Variants in RBFOX1 observed in about 807,000 individuals in gnomAD.
The protein encoded by RBFOX1 is RNA binding protein fox-1 homolog 1.
RBFOX1 carries 8 observed loss-of-function variants against 57.7 expected under a neutral mutation model. The ratio of observed to expected loss-of-function variants is 0.14; its 90% CI spans 0.08 to 0.25. The LOEUF is 0.25. Ranked by LOEUF, RBFOX1 falls within the 10% of genes least tolerant of loss-of-function variation. The pLI, the probability that RBFOX1 is intolerant of heterozygous loss-of-function variation, is 1.00. For synonymous variants in RBFOX1, 326 were observed against 222.4 expected, an observed-to-expected ratio of 1.47 and a Z score of -4.15; for missense variants, 611 against 548.5, an observed-to-expected ratio of 1.11 and a Z score of -1.14.
intron 4 of RBFOX1, among the ~76,000 whole-genome samples, chr16:7,118,767 G>A (rs967565610): frequency 6.6e-6 from 1 of 151,990 alleles, no homozygotes; most frequent in Non-Finnish European, 1.5e-5. Flanking sequence ...ACAAGAATTT[G>A]GTAAAATTGT....
intron 3 of RBFOX1, among the ~76,000 whole-genome samples, chr16:6,950,982 T>A (rs757873095): frequency 6.6e-6 from 1 of 152,050 alleles, no homozygotes; most frequent in Non-Finnish European, 1.5e-5. Context: ...CACAGCTCAT[T>A]GCAGCCTCAA....
intron 1 of RBFOX1, among the ~76,000 whole-genome samples, chr16:5,329,192 C>G (rs945352264): frequency 1.3e-5 from 2 of 152,142 alleles, no homozygotes; most frequent in Non-Finnish European, 2.9e-5. Context: ...TGTTCTTGCA[C>G]TGCTTTAAAG....
At chr16:5,351,211 C>T (rs1168262160) in intron 1 of RBFOX1, among the ~76,000 whole-genome samples, 2 of 152,158 alleles carry the variant, frequency 1.3e-5, no homozygotes, top group African/African-American at 4.8e-5. Context: ...CGACTATGTG[C>T]CAGACACTGC....
intron 3 of RBFOX1, among the ~76,000 whole-genome samples, chr16:5,671,122 C>G (rs1044277763): frequency 6.6e-6 from 1 of 152,252 alleles, no homozygotes; most frequent in African/African-American, 2.4e-5. Flanking sequence ...ATTAGACCAT[C>G]TTGCTCTCTT....
In RBFOX1 at chr16:5,652,234, A is replaced by G. The variant is rs1258697735; in HGVS notation, c.318+53273A>G. On this transcript the variant is annotated intron_variant, in intron 3 of 19. Transcript: ENST00000641259. Reference sequence around the variant, plus strand: ...GTCTTTAGATACCACTTAGCACTTTATATATTTGATTTTATTTACTTTTTA... The same window carrying G: ...GTCTTTAGATACCACTTAGCACTTTGTATATTTGATTTTATTTACTTTTTA... 3.9e-5 allele frequency among the ~76,000 whole-genome samples: 6 copies of G among 152,324 alleles called. No individual in the cohort carries two copies. In the East Asian group the frequency reaches 1.2e-3, roughly 29 times the overall value.
intron 4 of RBFOX1, among the ~76,000 whole-genome samples, chr16:7,457,698 G>A (rs2058791736): frequency 6.6e-6 from 1 of 152,014 alleles, no homozygotes; most frequent in Non-Finnish European, 1.5e-5. Flanking sequence ...CATATTTTCA[G>A]CCTAAGAGGG....
chr16:6,914,504 C>G (rs578178143), intron 3 of RBFOX1, among the ~76,000 whole-genome samples: 1 of 151,968 alleles, frequency 6.6e-6, no homozygotes, highest in African/African-American at 2.4e-5. Flanking sequence ...ACCTGAGCCA[C>G]CTTTGATAAG....
intron 3 of RBFOX1, among the ~76,000 whole-genome samples, chr16:5,666,147 C>T (rs1285863994): frequency 6.6e-6 from 1 of 152,198 alleles, no homozygotes; most frequent in African/African-American, 2.4e-5. Flanking sequence ...CCTTTACAAG[C>T]CACATTTGGG....
Position 5,301,352 on chromosome 16 carries a change from G to C in RBFOX1, c.219+61247G>C, listed in dbSNP as rs144154388. Reference sequence around the variant, plus strand: ...AGTGAGCTTAGGGCTAGGTGCGGTGGCTCATGCCTGTAATACCAGCCCTTT... The same window carrying C: ...AGTGAGCTTAGGGCTAGGTGCGGTGCCTCATGCCTGTAATACCAGCCCTTT... On this transcript the variant is annotated intron_variant, in intron 1 of 2. Transcript: ENST00000585867. Among the ~76,000 whole-genome samples, 306 of 152,216 alleles carry C rather than the reference G, an allele frequency of 2.0e-3. 2 individuals carry two copies. Among genetic ancestry groups the C allele is most frequent in the African/African-American group, 7.0e-3 (289 of 41,546 alleles).
In RBFOX1 at chr16:5,691,150, T is replaced by C. The variant is rs549278008; in HGVS notation, c.318+92189T>C. On this transcript the variant is annotated intron_variant, in intron 3 of 19. Transcript: ENST00000641259. ...TAGAGATAGTTGTTAAGTTTTCCCTTATGTTTTCTGAGCTCCTCAACATCT... is the reference window on the plus strand; with the variant it reads ...TAGAGATAGTTGTTAAGTTTTCCCTCATGTTTTCTGAGCTCCTCAACATCT... 3.9e-5 allele frequency among the ~76,000 whole-genome samples: 6 copies of C among 152,362 alleles called. No homozygotes were observed. In the South Asian group the frequency reaches 6.2e-4, roughly 16 times the overall value.
chr16:6,686,918 C>T (rs2059516330), intron 3 of RBFOX1, among the ~76,000 whole-genome samples: 1 of 152,042 alleles, frequency 6.6e-6, no homozygotes, highest in Non-Finnish European at 1.5e-5. Context: ...AATTTGTGTA[C>T]CTGATTTGTG....
chr16:7,139,176 C>CTCTCTGTGTGTGTG (rs372381673), intron 4 of RBFOX1, among the ~76,000 whole-genome samples: 171 of 145,906 alleles, frequency 1.2e-3, no homozygotes, highest in East Asian at 7.3e-3. Flanking sequence ...CAATCTCTCT[C>CTCTCTGTGTGTGTG]TGTGTGTGTG....
intron 3 of RBFOX1, among the ~76,000 whole-genome samples, chr16:7,020,845 G>T (rs1279114356): frequency 4.6e-5 from 7 of 152,236 alleles, no homozygotes; most frequent in Admixed American, 3.3e-4. Flanking sequence ...TTTTTCTCGA[G>T]GCCAGTCTTG....
At chr16:7,488,123 T>C (rs1236987303) in intron 4 of RBFOX1, among the ~76,000 whole-genome samples, 2 of 152,160 alleles carry the variant, frequency 1.3e-5, no homozygotes, top group African/African-American at 4.8e-5. Flanking sequence ...GCTAATCCTC[T>C]TGCCGTGCTA....
chr16:7,653,799 T>TCC lies in RBFOX1; in HGVS notation c.758-15_758-14dup, dbSNP rs775888141. On this transcript the variant is annotated splice_polypyrimidine_tract_variant and intron_variant, in intron 11 of 15. Coordinates refer to ENST00000550418, the MANE Select transcript of RBFOX1 (RefSeq NM_018723.4). The stretch of plus-strand genomic sequence containing the variant: ...ACAGCCTGTGCTCTCTCTCTCTCTC[T>TCC]CCTCTTGCCCCGCAGTGCCAGGCTT... 6.2e-6 allele frequency: 10 copies of TCC among 1,607,576 alleles called. No homozygotes were observed. In the East Asian group the frequency reaches 1.3e-4, roughly 22 times the overall value.
At chr16:5,858,122 G>A (rs2057118771) in intron 3 of RBFOX1, among the ~76,000 whole-genome samples, 1 of 152,056 alleles carries the variant, frequency 6.6e-6, no homozygotes, top group Non-Finnish European at 1.5e-5. Flanking sequence ...GCAAGCTAAA[G>A]GCTCCCTCTT....
chr16:7,353,546 A>G (rs771330226), intron 4 of RBFOX1, among the ~76,000 whole-genome samples: 34 of 152,242 alleles, frequency 2.2e-4, no homozygotes, highest in Non-Finnish European at 2.9e-5. Flanking sequence ...TAACCAAAGC[A>G]TGGAAACAGG....
At position 7,163,439 on chromosome 16, in the gene RBFOX1, G is replaced by T. The variant is rs187711551; in HGVS notation, c.27+111341G>T. 2.0e-5 allele frequency among the ~76,000 whole-genome samples: 3 copies of T among 152,158 alleles called. No individual in the cohort carries two copies. The East Asian group carries it at 5.8e-4, about 30-fold the overall frequency. ...GAAGCGGCTGGTCTGGTGACGTTTT[G>T]CTTTGCAAGTGGGTGACTGACATCC... On this transcript the variant is annotated intron_variant, in intron 4 of 15. Coordinates refer to ENST00000550418, the MANE Select transcript of RBFOX1 (RefSeq NM_018723.4).
intron 14 of RBFOX1, chr16:7,693,416 C>CTTTTTTTT (rs60812796): frequency 6.9e-5 from 54 of 783,214 alleles, no homozygotes; most frequent in Admixed American, 2.0e-4. Context: ...TCTCAGTATC[C>CTTTTTTTT]TTTTTTTTTT....
Sources: gnomAD v4.1 joint callset for allele counts (sites outside exome capture counted in the v4.1 genomes callset) on GRCh38, gnomAD v4.1.1 for gene constraint, MANE v1.5 for transcripts, NCBI Gene and HGNC (gene_info 2026-07-23, HGNC 2026-07-21) for gene names.